Variants in CLSTN1 observed in about 807,000 individuals in gnomAD.
The protein encoded by CLSTN1 is calsyntenin 1.
In CLSTN1, 28 loss-of-function variants were observed where a neutral mutation model predicts 108.3. The ratio of observed to expected loss-of-function variants is 0.26; its 90% CI spans 0.19 to 0.35. CLSTN1 has a LOEUF of 0.35. CLSTN1 is among the 10% of genes least tolerant of loss of function. CLSTN1 has a pLI of 1.00. For synonymous variants in CLSTN1, 524 were observed against 534.9 expected (o/e 0.98, Z 0.28); for missense variants, 1,157 against 1,302.6 (o/e 0.89, Z 1.72).
intron 2 of CLSTN1, among the ~76,000 whole-genome samples, chr1:9,767,680 G>C (rs1265753404): frequency 3.3e-5 from 5 of 151,984 alleles, no homozygotes; most frequent in Non-Finnish European, 7.4e-5. Flanking sequence ...TCCTCAACAT[G>C]GTGCGAAATT....
chr1:9,798,643 C>T (rs529398981), intron 1 of CLSTN1, among the ~76,000 whole-genome samples: 4 of 152,094 alleles, frequency 2.6e-5, no homozygotes, highest in Admixed American at 2.0e-4. Context: ...TTTGGGATGA[C>T]GAAAACATTT....
chr1:9,769,732 A>G (rs1474025838), intron 2 of CLSTN1, among the ~76,000 whole-genome samples: 2 of 152,154 alleles, frequency 1.3e-5, no homozygotes, highest in Non-Finnish European at 2.9e-5. Context: ...AAACTCAATG[A>G]GCTGTACACT....
chr1:9,735,497 A>C lies in CLSTN1; in HGVS notation c.1853T>G (p.Ile618Ser). The change falls in exon 13 of 19, where the codon ATT (isoleucine) becomes AGT (serine). Residue 618 changes from isoleucine to serine, a missense_variant. Transcript: ENST00000377298. ...TGTGCTGGTGATTTTGAGTCTGCGA[A>C]TTCCGGGCGTGGGGAACTGCCGGGA... ...LNSRQFPTPG[I>S]RRLKITSTIK... The C allele has an allele frequency of 6.2e-7, 1 of 1,614,172 alleles. No individual in the cohort carries two copies. Among genetic ancestry groups the C allele is most frequent in the Non-Finnish European group, 8.5e-7 (1 of 1,180,032 alleles).
intron 1 of CLSTN1, among the ~76,000 whole-genome samples, chr1:9,785,831 G>GTC (rs1653461705): frequency 6.8e-6 from 1 of 146,982 alleles, no homozygotes; most frequent in Admixed American, 6.9e-5. Context: ...GTCTCACTCT[G>GTC]TCTCAGAGGT....
chr1:9,764,637 TAAA>T (rs70998307), intron 2 of CLSTN1, among the ~76,000 whole-genome samples: 44 of 82,326 alleles, frequency 5.3e-4, no homozygotes, highest in South Asian at 4.3e-3. Context: ...GCTCCATCTT[TAAA>T]AAAAAAAAAA....
chr1:9,729,011 C>T lies in CLSTN1; in HGVS notation c.*1497G>A, dbSNP rs1469669161. Reference sequence around the variant, plus strand: ...ACCAAAACAGGAGAGAAGACAAACCCCGCTCCGGCTGGAGTTAGTTAGAAC... The same window carrying T: ...ACCAAAACAGGAGAGAAGACAAACCTCGCTCCGGCTGGAGTTAGTTAGAAC... On this transcript the variant is annotated 3_prime_UTR_variant, in exon 19 of 19. Transcript: ENST00000377298. The T allele has an allele frequency of 6.6e-6, 1 of 152,170 alleles. No homozygotes were observed. The highest frequency in any genetic ancestry group is 1.9e-4 in the East Asian group (1 of 5,198). The allele number at this position is 152,170 out of a possible 1,614,324, so 9.4% of individuals were successfully genotyped here.
At position 9,731,257 on chromosome 1, in the gene CLSTN1, G is replaced by A. The variant is rs775193138; in HGVS notation, c.2697C>T (p.Asn899=). ...GGGCAGAGTCGTCCCAGTCCATCTC[G>A]TTCTCCTTCCCGGTGTCCTGATCCC... ...TMRDQDTGKE[N]EMDWDDSALT... Residue 899 remains asparagine (N), a synonymous_variant, in exon 18 of 19, where the codon AAC becomes AAT. Coordinates refer to ENST00000377298, the MANE Select transcript of CLSTN1 (RefSeq NM_001009566.3). 17 of 1,614,098 alleles carry A rather than the reference G, an allele frequency of 1.1e-5. No individual in the cohort carries two copies. The highest frequency in any genetic ancestry group is 3.3e-5 in the Admixed American group (2 of 60,002).
chr1:9,766,655 G>A (rs1652350864), intron 2 of CLSTN1, among the ~76,000 whole-genome samples: 1 of 152,132 alleles, frequency 6.6e-6, no homozygotes, highest in African/African-American at 2.4e-5. Context: ...GCGAGACCCT[G>A]TCTCAAAAAT....
At chr1:9,741,935 G>C (rs1651004836) in intron 9 of CLSTN1, among the ~76,000 whole-genome samples, 2 of 152,150 alleles carry the variant, frequency 1.3e-5, no homozygotes, top group South Asian at 4.1e-4. Flanking sequence ...ACAAAAAAGT[G>C]CCTTTAATCT....
At chr1:9,786,751 G>C (rs749843885) in intron 1 of CLSTN1, among the ~76,000 whole-genome samples, 1 of 149,504 alleles carries the variant, frequency 6.7e-6, no homozygotes, top group African/African-American at 2.5e-5. Context: ...CTGCCTGTCC[G>C]CCACCAGGCG....
At chr1:9,762,771 C>T (rs1053420431) in intron 2 of CLSTN1, among the ~76,000 whole-genome samples, 2 of 150,318 alleles carry the variant, frequency 1.3e-5, no homozygotes, top group South Asian at 2.1e-4. Context: ...TGGGTGACCT[C>T]TGGCTTTCTT....
chr1:9,755,271 G>C lies in CLSTN1; in HGVS notation c.283C>G (p.Pro95Ala), dbSNP rs1651755281. ...TTATCCACTACCACTGCATCAAAGG[G>C]GACATTCTGCCCGTGAATTTTAAAT... ...CGFKIHGQNV[P>A]FDAVVVDKST... The change falls in exon 4 of 19, where the codon CCC becomes GCC. Residue 95 changes from proline to alanine, a missense_variant. Pro to Ala is a conservative substitution (Grantham distance 27). Coordinates refer to ENST00000377298, the MANE Select transcript of CLSTN1 (RefSeq NM_001009566.3). 1 of 1,613,376 alleles carries C rather than the reference G, an allele frequency of 6.2e-7. No individual in the cohort carries two copies. Among genetic ancestry groups the C allele is most frequent in the Admixed American group, 1.7e-5 (1 of 59,954 alleles).
rs149298934 is a variant in CLSTN1, at chr1:9,755,617, C to T, written c.245-308G>A. 3.0e-3 allele frequency among the ~76,000 whole-genome samples: 456 copies of T among 152,114 alleles called. 5 individuals are homozygous for T. Among genetic ancestry groups the T allele is most frequent in the Non-Finnish European group, 3.5e-3 (240 of 67,998 alleles). ...ATTCCACAGGAGCACTTAGATAGCT[C>T]GAGGGTAAAAGGAGTCTCATTAGCA... On this transcript the variant is annotated intron_variant, in intron 3 of 18. Coordinates refer to ENST00000377298, the MANE Select transcript of CLSTN1 (RefSeq NM_001009566.3).
intron 1 of CLSTN1, among the ~76,000 whole-genome samples, chr1:9,811,362 C>G (rs1469826469): frequency 1.3e-5 from 2 of 152,182 alleles, no homozygotes; most frequent in African/African-American, 2.4e-5. Context: ...CCTAGGTAAA[C>G]AAGAGGCGGC....
At chr1:9,731,630 G>T in intron 17 of CLSTN1, 131 bp downstream of exon 17, 1 of 1,001,296 alleles carries the variant, frequency 1.0e-6, no homozygotes, top group South Asian at 1.4e-5. Flanking sequence ...GTTTCCTTGT[G>T]TGTGATGGGG....
chr1:9,755,485 C>T (rs4512653), intron 3 of CLSTN1, among the ~76,000 whole-genome samples, 176 bp from the exon 4 acceptor site: 1 of 152,004 alleles, frequency 6.6e-6, no homozygotes, highest in Admixed American at 6.6e-5. Context: ...GGGAAGTTCT[C>T]GGGCTTTAGT....
At chr1:9,750,768 T>C (rs1321873475) in intron 5 of CLSTN1, among the ~76,000 whole-genome samples, 2 of 144,552 alleles carry the variant, frequency 1.4e-5, no homozygotes, top group Non-Finnish European at 1.5e-5. Context: ...ATGGAGAACA[T>C]GGCCAGGCGC....
At chr1:9,802,182 C>T (rs888554977) in intron 1 of CLSTN1, among the ~76,000 whole-genome samples, 5 of 152,182 alleles carry the variant, frequency 3.3e-5, no homozygotes, top group African/African-American at 7.2e-5. Flanking sequence ...AGTTCATGCT[C>T]ATAACTGCTC....
intron 1 of CLSTN1, among the ~76,000 whole-genome samples, chr1:9,808,609 T>C (rs1040637297): frequency 6.6e-6 from 1 of 152,106 alleles, no homozygotes; most frequent in African/African-American, 2.4e-5. Flanking sequence ...GACGATCCCA[T>C]GAGCGGAGGT....
Sources: allele counts gnomAD v4.1 joint callset (sites outside exome capture counted in the v4.1 genomes callset), GRCh38; gene constraint gnomAD v4.1.1; transcripts MANE v1.5; gene names NCBI Gene and HGNC (gene_info 2026-07-23, HGNC 2026-07-21).